Variants in ARID5A observed in about 807,000 individuals in gnomAD.
ARID5A encodes AT-rich interaction domain 5A, also known as AT-rich interactive domain-containing protein 5A.
ARID5A carries 14 observed loss-of-function variants against 30.5 expected under a neutral mutation model. The ratio of observed to expected loss-of-function variants is 0.46; its 90% confidence interval spans 0.30 to 0.72. The LOEUF (loss-of-function observed/expected upper bound fraction) is 0.72, where lower values mean the gene tolerates loss of function less well. ARID5A is among the 30% of genes least tolerant of loss of function. The pLI, the probability that ARID5A is intolerant of heterozygous loss-of-function variation, is 0.07. For missense variants in ARID5A, 669 were observed against 786.2 expected (o/e 0.85, Z 1.78); for synonymous variants, 338 against 340.4 (o/e 0.99, Z 0.08).
Position 96,550,337 on chromosome 2 carries a change from G to C in ARID5A, c.410+52G>C. ...GACGCCGCCTACCCTGCGGGGCTTTGGCCGACCTTGCCGGGAGGGCCGGGT... is the reference window on the plus strand; with the variant it reads ...GACGCCGCCTACCCTGCGGGGCTTTCGCCGACCTTGCCGGGAGGGCCGGGT... On this transcript the variant is annotated intron_variant, in intron 5 of 6. Coordinates refer to ENST00000357485, the MANE Select transcript of ARID5A (RefSeq NM_212481.3). The surrounding 1 kb of genome is among the most constrained non-coding windows in gnomAD (Gnocchi z 6.6). 1 of 1,424,008 alleles carries C rather than the reference G, an allele frequency of 7.0e-7. No individual in the cohort carries two copies. The highest frequency in any genetic ancestry group is 9.1e-7 in the Non-Finnish European group (1 of 1,096,454). 88.2% of individuals were successfully genotyped at this position (1,424,008 alleles called of 1,614,324 possible).
rs1435220377 is a variant in ARID5A, at chr2:96,536,825, C to T, written c.-2C>T. On this transcript the variant is annotated 5_prime_UTR_variant, in exon 1 of 7. Coordinates refer to ENST00000357485, the MANE Select transcript of ARID5A (RefSeq NM_212481.3). ...GCGGGCGCCGCGGGACCTCTCCGGG[C>T]CATGGGTAAGCGGCTCTGCGGCGCG... The T allele has an allele frequency of 8.1e-7, 1 of 1,227,114 alleles. No homozygotes were observed. The highest frequency in any genetic ancestry group is 3.2e-5 in the East Asian group (1 of 31,424). 76.0% of individuals were successfully genotyped at this position (1,227,114 alleles called of 1,614,324 possible).
intron 1 of ARID5A, 43 bp downstream of exon 1, chr2:96,536,873 C>T: frequency 8.2e-7 from 1 of 1,225,500 alleles, no homozygotes. Context: ...GCTCGGCGGC[C>T]CTGCAGGGAG....
At position 96,543,081 on chromosome 2, in the gene ARID5A, G is replaced by A. The variant is rs550844530; in HGVS notation, c.5-4321G>A. ...TGGTGGGTCAGAGGCTAGCCCAAGA[G>A]GGTGGCCCTGGTCTCTTTCTCTTTG... On this transcript the variant is annotated intron_variant, in intron 1 of 6. Coordinates refer to ENST00000357485, the MANE Select transcript of ARID5A (RefSeq NM_212481.3). Among the ~76,000 whole-genome samples, 3 of 152,268 alleles carry A rather than the reference G, an allele frequency of 2.0e-5. No individual in the cohort carries two copies. In the South Asian group the frequency reaches 6.2e-4, roughly 32 times the overall value.
chr2:96,549,523 C>A lies in ARID5A; in HGVS notation c.259+64C>A. The A allele has an allele frequency of 6.3e-7, 1 of 1,581,262 alleles. No homozygotes were observed. The highest frequency in any genetic ancestry group is 8.6e-7 in the Non-Finnish European group (1 of 1,159,850). ...AGGGGACCCCGCCCAGGCAGGGCAT[C>A]GGGCAGGCACTCCCACTCTGGGTGA... is the stretch of plus-strand genomic sequence containing the variant. On this transcript the variant is annotated intron_variant, in intron 3 of 6. Coordinates refer to ENST00000357485, the MANE Select transcript of ARID5A (RefSeq NM_212481.3). This position sits in a 1 kb window ranked among gnomAD's most constrained non-coding sequence, Gnocchi z 6.1.
At chr2:96,538,520 T>TG (rs1308320139) in intron 1 of ARID5A, among the ~76,000 whole-genome samples, 3 of 151,934 alleles carry the variant, frequency 2.0e-5, no homozygotes, top group East Asian at 1.9e-4. Context: ...TGTTAGGGAG[T>TG]GGGGGTCCCA....
chr2:96,543,611 G>A (rs1188878367), intron 1 of ARID5A, among the ~76,000 whole-genome samples: 1 of 152,058 alleles, frequency 6.6e-6, no homozygotes, highest in Non-Finnish European at 1.5e-5. Flanking sequence ...GAACTAAATC[G>A]ATAAATGTTG....
At position 96,549,959 on chromosome 2, in the gene ARID5A, C is replaced by T. The variant is rs1320227889; in HGVS notation, c.312+154C>T. 2.0e-6 allele frequency: 3 copies of T among 1,532,764 alleles called. No individual in the cohort carries two copies. The highest frequency in any genetic ancestry group is 2.6e-6 in the Non-Finnish European group (3 of 1,141,210). The allele number at this position is 1,532,764 out of a possible 1,614,324, so 94.9% of individuals were successfully genotyped here. On this transcript the variant is annotated intron_variant, in intron 4 of 6. Transcript: ENST00000357485. This position sits in a 1 kb window ranked among gnomAD's most constrained non-coding sequence, Gnocchi z 6.1. ...CCTTCCCCGCTGGTACTCTGCTGCT[C>T]AAAGCAGCTTTTCAGCCTTCCCCAT...
chr2:96,537,095 A>AG lies in ARID5A; in HGVS notation c.4+269dup, dbSNP rs1262935240. 4.6e-5 allele frequency among the ~76,000 whole-genome samples: 7 copies of AG among 152,252 alleles called. No homozygotes were observed. Among genetic ancestry groups the AG allele is most frequent in the Middle Eastern group, 3.4e-3 (1 of 294 alleles). ...GGAAAGACAAAAAGTTTTGGCGGCC[A>AG]GGGGCTTCCCGGGCGTTTATCTCGA... On this transcript the variant is annotated intron_variant, in intron 1 of 6. Transcript: ENST00000357485. The surrounding 1 kb of genome is among the most constrained non-coding windows in gnomAD (Gnocchi z 4.8).
At position 96,552,252 on chromosome 2, in the gene ARID5A, A is replaced by C. The variant is rs771235373; in HGVS notation, c.1724A>C (p.His575Pro). 1 of 1,613,318 alleles carries C rather than the reference A, an allele frequency of 6.2e-7. No homozygotes were observed. Among genetic ancestry groups the C allele is most frequent in the South Asian group, 1.1e-5 (1 of 91,008 alleles). The change falls in exon 7 of 7, where the codon CAC becomes CCC. Residue 575 changes from histidine (H) to proline (P), a missense_variant. This residue lies in a region of ARID5A where 548 missense variants were observed against 577.4 expected (regional missense o/e 0.95). Transcript: ENST00000357485. ...HRLCPASSAWHAPPVTTYAAP... is the reference protein window; with the variant it reads ...HRLCPASSAWPAPPVTTYAAP... The stretch of plus-strand genomic sequence containing the variant: ...CTTTGCCCGGCCTCATCTGCCTGGC[A>C]CGCACCACCAGTCACAACCTATGCA...
intron 1 of ARID5A, among the ~76,000 whole-genome samples, chr2:96,546,767 C>T (rs1277277758): frequency 1.3e-5 from 2 of 152,224 alleles, no homozygotes; most frequent in Non-Finnish European, 2.9e-5. Flanking sequence ...TCTGCAGATG[C>T]TCAGGGAAAG....
intron 2 of ARID5A, among the ~76,000 whole-genome samples, chr2:96,548,275 AT>A (rs34482542): frequency 0.24 from 36,419 of 149,592 alleles, 5,847 homozygotes; most frequent in South Asian, 0.65. Context: ...ATCAATTATT[AT>A]TTTTTTTTTT....
chr2:96,538,216 C>T (rs1056127564), intron 1 of ARID5A: 2 of 985,458 alleles, frequency 2.0e-6, no homozygotes, highest in Non-Finnish European at 2.4e-6. Context: ...CACACGAAAC[C>T]ATCTGAGGAG....
chr2:96,546,610 G>A (rs945091825), intron 1 of ARID5A, among the ~76,000 whole-genome samples: 1 of 152,248 alleles, frequency 6.6e-6, no homozygotes, highest in African/African-American at 2.4e-5. Flanking sequence ...GGATGGCTGT[G>A]AGTAGCCTAG....
chr2:96,551,680 G>C lies in ARID5A; in HGVS notation c.1152G>C (p.Glu384Asp), dbSNP rs1011889967. ...PPGKEGLSVK[E>D]PQLVWGGDAN... ...GCAAAGAGGGGCTGTCAGTGAAAGA[G>C]CCCCAGCTGGTGTGGGGCGGAGACG... The change falls in exon 7 of 7, where the codon GAG (glutamate) becomes GAC (aspartate). Residue 384 changes from glutamate (E) to aspartate (D), a missense_variant. Coordinates refer to ENST00000357485, the MANE Select transcript of ARID5A (RefSeq NM_212481.3). The C allele has an allele frequency of 5.9e-6, 9 of 1,522,844 alleles. No homozygotes were observed. The Middle Eastern group carries it at 1.1e-3, about 181-fold the overall frequency. 94.3% of individuals were successfully genotyped at this position (1,522,844 alleles called of 1,614,324 possible). A position where few individuals can be genotyped will look rare whatever the true frequency, so the allele number is the denominator to read the frequency against.
Position 96,552,005 on chromosome 2 carries a change from G to A in ARID5A, c.1477G>A (p.Gly493Arg). ...CTCCTGCCTTCTGGGCCCAGCCCTGGGGCCTGTGCCCCCAGAGGCCTACAG... is the reference window on the plus strand; with the variant it reads ...CTCCTGCCTTCTGGGCCCAGCCCTGAGGCCTGTGCCCCCAGAGGCCTACAG... ...LVSCLLGPAL[G>R]PVPPEAYRGT... Residue 493 changes from glycine (G) to arginine (R), a missense_variant, in exon 7 of 7, where the codon GGG becomes AGG. Gly to Arg is a moderately radical substitution (Grantham distance 125). Around this residue, in one of 4 missense-constraint regions of ARID5A, gnomAD observed 548 missense variants for 577.4 expected, o/e 0.95. Transcript: ENST00000357485. 6.6e-7 allele frequency: 1 copy of A among 1,522,978 alleles called. No homozygotes were observed. Among genetic ancestry groups the A allele is most frequent in the Non-Finnish European group, 8.8e-7 (1 of 1,136,364 alleles). The allele number at this position is 1,522,978 out of a possible 1,614,324, so 94.3% of individuals were successfully genotyped here. A position where few individuals can be genotyped will look rare whatever the true frequency, so the allele number is the denominator to read the frequency against.
intron 1 of ARID5A, chr2:96,538,047 C>A: frequency 2.0e-6 from 2 of 985,484 alleles, no homozygotes; most frequent in Non-Finnish European, 2.4e-6. Context: ...AGGGCTTCAC[C>A]CCGCAGCAGA....
rs1408791377 is a variant in ARID5A, at chr2:96,549,642, G to A, written c.260-111G>A. 3 of 1,548,570 alleles carry A rather than the reference G, an allele frequency of 1.9e-6. No homozygotes were observed. The highest frequency in any genetic ancestry group is 2.7e-5 in the African/African-American group (2 of 73,550). Reference sequence around the variant, plus strand: ...CCTGCCCGTCTATTGCAGTGGCCCTGGCTGGGTGTGTGCTGGTCTGTGCCT... The same window carrying A: ...CCTGCCCGTCTATTGCAGTGGCCCTAGCTGGGTGTGTGCTGGTCTGTGCCT... On this transcript the variant is annotated intron_variant, in intron 3 of 6. Transcript: ENST00000357485. This position sits in a 1 kb window ranked among gnomAD's most constrained non-coding sequence, Gnocchi z 6.1.
chr2:96,551,549 A>G lies in ARID5A; in HGVS notation c.1021A>G (p.Lys341Glu). The G allele has an allele frequency of 5.0e-6, 8 of 1,607,646 alleles. No homozygotes were observed. Among genetic ancestry groups the G allele is most frequent in the African/African-American group, 1.3e-5 (1 of 74,844 alleles). ...CCCCTGCCCGGCAGCCCCCATCTTC[A>G]AGGGCTGCTTCTACACCCACCCCAC... ...AGPCPAAPIF[K>E]GCFYTHPTEV... Residue 341 changes from lysine to glutamate, a missense_variant, in exon 7 of 7, where the codon AAG (lysine) becomes GAG (glutamate). Lys to Glu is a moderately conservative substitution (Grantham distance 56). Around this residue, in one of 4 missense-constraint regions of ARID5A, gnomAD observed 548 missense variants for 577.4 expected, o/e 0.95. Coordinates refer to ENST00000357485, the MANE Select transcript of ARID5A (RefSeq NM_212481.3).
chr2:96,544,251 A>G (rs756152874), intron 1 of ARID5A, among the ~76,000 whole-genome samples: 3 of 152,234 alleles, frequency 2.0e-5, no homozygotes, highest in Non-Finnish European at 2.9e-5. Context: ...AGATCCAGCT[A>G]AGATCACTGA....
Sources: gnomAD v4.1 joint callset for allele counts (sites outside exome capture counted in the v4.1 genomes callset) on GRCh38, gnomAD v4.1.1 for gene constraint, gnomAD v4.1.1 regional missense constraint, Gnocchi (gnomAD v3.1) non-coding constraint, MANE v1.5 for transcripts, NCBI Gene and HGNC (gene_info 2026-07-23, HGNC 2026-07-21) for gene names.